RORA: variants seen among roughly 807,000 people sequenced by gnomAD.
RORA encodes the protein RAR related orphan receptor A, also known as nuclear receptor ROR-alpha.
In RORA, 7 loss-of-function variants were observed where a neutral mutation model predicts 69.5. That is an observed-to-expected ratio of 0.10 (90% CI 0.06 to 0.19). The LOEUF (loss-of-function observed/expected upper bound fraction) is 0.19, where lower values mean the gene tolerates loss of function less well. Ranked by LOEUF, RORA falls within the 10% of genes least tolerant of loss-of-function variation. The pLI, the probability that RORA is intolerant of heterozygous loss-of-function variation, is 1.00. For synonymous variants in RORA, 261 were observed against 240.8 expected (o/e 1.08, Z -0.78); for missense variants, 457 against 663.0 (o/e 0.69, Z 3.41).
At chr15:60,947,000 C>T (rs1013371008) in intron 1 of RORA, among the ~76,000 whole-genome samples, 17 of 151,558 alleles carry the variant, frequency 1.1e-4, no homozygotes, top group Non-Finnish European at 2.4e-4. Flanking sequence ...GGCAGCCGCC[C>T]CTTCCGGGAG....
At chr15:60,535,800 TTGTGCTAA>T (rs1691409767) in intron 2 of RORA, among the ~76,000 whole-genome samples, 1 of 152,216 alleles carries the variant, frequency 6.6e-6, no homozygotes, top group African/African-American at 2.4e-5. Flanking sequence ...CTACATGTAT[TTGTGCTAA>T]TAATGTGTCA....
chr15:61,149,789 C>A (rs2079382455), intron 1 of RORA, among the ~76,000 whole-genome samples: 1 of 152,212 alleles, frequency 6.6e-6, no homozygotes, highest in Admixed American at 6.5e-5. Context: ...TTCAAAGCAT[C>A]AACTTGGAAG....
chr15:60,971,769 T>C (rs1159396365), intron 1 of RORA, among the ~76,000 whole-genome samples: 1 of 152,240 alleles, frequency 6.6e-6, no homozygotes, highest in Non-Finnish European at 1.5e-5. Context: ...CACATTCTCC[T>C]TCCTTTTGGC....
In RORA at chr15:60,511,493, T is replaced by C. The variant is rs771167316; in HGVS notation, c.553A>G (p.Thr185Ala). Residue 185 changes from threonine (T) to alanine (A), a missense_variant, in exon 5 of 11, where the codon ACC becomes GCC. Physicochemically the swap from Thr to Ala is moderately conservative, Grantham distance 58. Coordinates refer to ENST00000335670, the MANE Select transcript of RORA (RefSeq NM_134261.3). The surrounding 1 kb of genome is among the most constrained non-coding windows in gnomAD (Gnocchi z 6.4). ...QPGEAEPLTPTYNISANGLTE... is the reference protein window; with the variant it reads ...QPGEAEPLTPAYNISANGLTE... ...AGCCCGTTGGCCGAGATGTTGTAGG[T>C]GGGCGTCAGCGGCTCAGCCTCTCCA... The C allele has an allele frequency of 4.3e-6, 7 of 1,614,008 alleles. No homozygotes were observed. Among genetic ancestry groups the C allele is most frequent in the Non-Finnish European group, 4.2e-6 (5 of 1,180,028 alleles).
chr15:61,024,495 C>T lies in RORA; in HGVS notation c.166+204558G>A, dbSNP rs185806299. 2.7e-5 allele frequency among the ~76,000 whole-genome samples: 4 copies of T among 148,286 alleles called. No individual in the cohort carries two copies. In the East Asian group the frequency reaches 6.0e-4, roughly 22 times the overall value. On this transcript the variant is annotated intron_variant, in intron 1 of 10. Transcript: ENST00000335670. Reference sequence around the variant, plus strand: ...ATGGAGTCTCCCTCTGTCACCCAGGCTGGAGGGGGCAGTGGCATGATCTTG... The same window carrying T: ...ATGGAGTCTCCCTCTGTCACCCAGGTTGGAGGGGGCAGTGGCATGATCTTG...
chr15:60,511,129 A>T lies in RORA; in HGVS notation c.820+97T>A. The T allele has an allele frequency of 7.5e-7, 1 of 1,332,258 alleles. No individual in the cohort carries two copies. 82.5% of individuals were successfully genotyped at this position (1,332,258 alleles called of 1,614,324 possible). On this transcript the variant is annotated intron_variant, in intron 5 of 10. Coordinates refer to ENST00000335670, the MANE Select transcript of RORA (RefSeq NM_134261.3). The surrounding 1 kb of genome is among the most constrained non-coding windows in gnomAD (Gnocchi z 6.4). The stretch of plus-strand genomic sequence containing the variant: ...GGCCCAAATGGTAAAGGTGAATTGC[A>T]TCATTTAGCAGAACTCATTAGAGGA...
chr15:60,971,491 C>T (rs1408645159), intron 1 of RORA, among the ~76,000 whole-genome samples: 1 of 152,192 alleles, frequency 6.6e-6, no homozygotes, highest in African/African-American at 2.4e-5. Context: ...TGGATCCAGA[C>T]ATATCGTGCT....
intron 1 of RORA, among the ~76,000 whole-genome samples, chr15:60,823,835 C>T (rs1455465770): frequency 6.6e-6 from 1 of 151,906 alleles, no homozygotes; most frequent in Admixed American, 6.6e-5. Context: ...CAACTTTGGC[C>T]ATAAGTGTGG....
intron 3 of RORA, among the ~76,000 whole-genome samples, chr15:60,515,965 A>ATATT (rs2065871362): frequency 8.7e-5 from 2 of 23,018 alleles, no homozygotes; most frequent in African/African-American, 1.7e-4. Flanking sequence ...ATTTATATTT[A>ATATT]TATATATTTA....
intron 2 of RORA, among the ~76,000 whole-genome samples, chr15:60,647,062 G>T (rs1354217040): frequency 6.6e-6 from 1 of 152,154 alleles, no homozygotes; most frequent in African/African-American, 2.4e-5. Flanking sequence ...TTCCAAAATG[G>T]TTCACTTGGT....
At chr15:60,984,797 A>G (rs1894148271) in intron 1 of RORA, among the ~76,000 whole-genome samples, 1 of 103,826 alleles carries the variant, frequency 9.6e-6, no homozygotes, top group East Asian at 2.3e-4. Flanking sequence ...TGGACTACAT[A>G]TGTCTTTTTT....
chr15:60,930,593 T>C (rs1892346679), intron 1 of RORA, among the ~76,000 whole-genome samples: 1 of 152,172 alleles, frequency 6.6e-6, no homozygotes, highest in Admixed American at 6.5e-5. Context: ...ACACCAGCCA[T>C]TCCCTTCCCA....
At chr15:61,138,127 A>G (rs1239388233) in intron 1 of RORA, among the ~76,000 whole-genome samples, 1 of 152,204 alleles carries the variant, frequency 6.6e-6, no homozygotes, top group Non-Finnish European at 1.5e-5. Context: ...AAAAAACACT[A>G]ACTCACATGC....
chr15:60,619,122 T>C (rs1331799368), intron 2 of RORA, among the ~76,000 whole-genome samples: 1 of 152,260 alleles, frequency 6.6e-6, no homozygotes, highest in Non-Finnish European at 1.5e-5. Flanking sequence ...TAAGCTCTAA[T>C]TGCAATCATG....
chr15:60,507,803 G>A lies in RORA; in HGVS notation c.821-2174C>T, dbSNP rs549951209. Among the ~76,000 whole-genome samples, 61 of 152,328 alleles carry A rather than the reference G, an allele frequency of 4.0e-4. 3 individuals carry two copies. In the South Asian group the frequency reaches 0.012, roughly 31 times the overall value. ...GGGAAGTAGGGGGGGATGCTGTGGA[G>A]TGAAGGATGAGAAGAGGCTCATATC... On this transcript the variant is annotated intron_variant, in intron 5 of 10. Coordinates refer to ENST00000335670, the MANE Select transcript of RORA (RefSeq NM_134261.3).
chr15:60,645,108 T>A (rs2070014776), intron 2 of RORA, among the ~76,000 whole-genome samples: 1 of 152,016 alleles, frequency 6.6e-6, no homozygotes, highest in Non-Finnish European at 1.5e-5. Flanking sequence ...AATTCCAAAA[T>A]CTCTCTTAGG....
intron 4 of RORA, among the ~76,000 whole-genome samples, chr15:60,513,590 A>G (rs927819613): frequency 6.6e-6 from 1 of 152,244 alleles, no homozygotes; most frequent in Non-Finnish European, 1.5e-5. Context: ...CCATCGGAAG[A>G]TGAAATCTGC....
chr15:60,890,193 C>CT (rs1218883297), intron 1 of RORA, among the ~76,000 whole-genome samples: 2 of 152,164 alleles, frequency 1.3e-5, no homozygotes, highest in African/African-American at 4.8e-5. Flanking sequence ...GCTGAAGGCA[C>CT]TTTCACGTTC....
chr15:60,629,159 C>T (rs1279952900), intron 2 of RORA, among the ~76,000 whole-genome samples: 2 of 141,234 alleles, frequency 1.4e-5, no homozygotes, highest in East Asian at 2.1e-4. Flanking sequence ...CATAGCTTTT[C>T]GATGTTTATA....
Sources: gnomAD v4.1 joint callset for allele counts (sites outside exome capture counted in the v4.1 genomes callset) on GRCh38, gnomAD v4.1.1 for gene constraint, Gnocchi (gnomAD v3.1) non-coding constraint, MANE v1.5 for transcripts, NCBI Gene and HGNC (gene_info 2026-07-23, HGNC 2026-07-21) for gene names.